Variants in SIMC1 observed in about 807,000 individuals in gnomAD.
The protein encoded by SIMC1 is SUMO interacting motifs containing 1, also known as SUMO-interacting motif-containing protein 1.
SIMC1 carries 55 observed loss-of-function variants against 82.3 expected under a neutral mutation model. That is an observed-to-expected ratio of 0.67 (90% CI 0.54 to 0.84). The LOEUF is 0.84. Among genes scored for constraint, SIMC1 ranks in the 40% least tolerant of loss-of-function variants. SIMC1 has a pLI of 0.00. For synonymous variants in SIMC1, 353 were observed against 426.3 expected, an observed-to-expected ratio of 0.83 and a Z score of 2.12; for missense variants, 915 against 1,107.2, an observed-to-expected ratio of 0.83 and a Z score of 2.46.
intron 1 of SIMC1, among the ~76,000 whole-genome samples, chr5:176,262,408 C>T (rs1466595558): frequency 1.3e-5 from 2 of 152,100 alleles, no homozygotes; most frequent in African/African-American, 4.8e-5. Flanking sequence ...TTGAAGCATT[C>T]CTACTAAGAT....
Position 176,325,318 on chromosome 5 carries a change from G to A in SIMC1, c.2171+561G>A, listed in dbSNP as rs189708366. ...ACGAAAATCGCTTGAACCAGGAGGTGGAGGTTGCAGTGAGCTGAGATTGCT... is the reference window on the plus strand; with the variant it reads ...ACGAAAATCGCTTGAACCAGGAGGTAGAGGTTGCAGTGAGCTGAGATTGCT... On this transcript the variant is annotated intron_variant, in intron 7 of 9. Coordinates refer to ENST00000429602, the MANE Select transcript of SIMC1 (RefSeq NM_001308195.2). Among the ~76,000 whole-genome samples the A allele has an allele frequency of 1.6e-3, 243 of 152,160 alleles. 1 individual carries two copies. Among genetic ancestry groups the A allele is most frequent in the Admixed American group, 6.0e-3 (92 of 15,260 alleles).
intron 1 of SIMC1, among the ~76,000 whole-genome samples, chr5:176,280,383 T>G (rs1436399208): frequency 6.6e-6 from 1 of 152,214 alleles, no homozygotes; most frequent in East Asian, 1.9e-4. Context: ...GCATGTGTCT[T>G]TATCCAATTT....
chr5:176,252,007 C>T (rs1281708479), intron 1 of SIMC1, among the ~76,000 whole-genome samples: 1 of 151,800 alleles, frequency 6.6e-6, no homozygotes, highest in Admixed American at 6.6e-5. Flanking sequence ...GGCAACCATC[C>T]GATTTCTCAA....
chr5:176,282,809 C>A (rs1051550087), intron 1 of SIMC1, among the ~76,000 whole-genome samples: 24 of 152,138 alleles, frequency 1.6e-4, no homozygotes, highest in Admixed American at 6.5e-4. Context: ...CTACAATAAC[C>A]AATGAAGAGA....
chr5:176,328,492 C>T (rs1581321074), intron 7 of SIMC1, among the ~76,000 whole-genome samples: 1 of 151,788 alleles, frequency 6.6e-6, no homozygotes, highest in Non-Finnish European at 1.5e-5. Flanking sequence ...TGGCTGTAAA[C>T]ACTTTTTAGA....
At position 176,334,761 on chromosome 5, in the gene SIMC1, G is replaced by A. The variant is rs966079901; in HGVS notation, c.2172-1959G>A. Among the ~76,000 whole-genome samples the A allele has an allele frequency of 4.6e-5, 7 of 152,148 alleles. 1 individual carries two copies. Among genetic ancestry groups the A allele is most frequent in the Admixed American group, 1.3e-4 (2 of 15,268 alleles). Reference sequence around the variant, plus strand: ...AAGTGCCCCCAGCAAGAAATCTGGAGTACATGAAGTTTACCACCTTTGTTT... The same window carrying A: ...AAGTGCCCCCAGCAAGAAATCTGGAATACATGAAGTTTACCACCTTTGTTT... On this transcript the variant is annotated intron_variant, in intron 7 of 9. Coordinates refer to ENST00000429602, the MANE Select transcript of SIMC1 (RefSeq NM_001308195.2).
rs575722098 is a variant in SIMC1, at chr5:176,311,684, C to CA, written c.1735-2000dup. 5.7e-4 allele frequency among the ~76,000 whole-genome samples: 86 copies of CA among 151,764 alleles called. No individual in the cohort carries two copies. The South Asian group carries it at 0.012, about 22-fold the overall frequency. On this transcript the variant is annotated intron_variant, in intron 4 of 9. Transcript: ENST00000429602. ...AGAAAAAAACAAAACTCTAGAAAAA[C>CA]AAAAAAACTTCACAAGAAAGGAATG...
chr5:176,307,766 G>T (rs190605912), intron 4 of SIMC1, among the ~76,000 whole-genome samples: 1 of 152,188 alleles, frequency 6.6e-6, no homozygotes, highest in African/African-American at 2.4e-5. Context: ...CAAGAATGTG[G>T]AGAACATAAG....
rs925274422 is a variant in SIMC1 at position 176,345,061 on chromosome 5, G to A, written c.2414-122G>A. On this transcript the variant is annotated intron_variant, in intron 9 of 9. Coordinates refer to ENST00000429602, the MANE Select transcript of SIMC1 (RefSeq NM_001308195.2). Reference sequence around the variant, plus strand: ...TACTGCAGGCACTCACACAGCCTTCGACTTGTATCCCTGTAGCTAGTCAGC... The same window carrying A: ...TACTGCAGGCACTCACACAGCCTTCAACTTGTATCCCTGTAGCTAGTCAGC... The A allele has an allele frequency of 2.0e-5, 26 of 1,314,716 alleles. 2 individuals carry two copies. In the South Asian group the frequency reaches 2.3e-4, roughly 11 times the overall value. 81.4% of individuals were successfully genotyped at this position (1,314,716 alleles called of 1,614,324 possible).
intron 1 of SIMC1, among the ~76,000 whole-genome samples, chr5:176,269,080 C>T (rs1005618242): frequency 6.6e-6 from 1 of 151,816 alleles, no homozygotes; most frequent in Non-Finnish European, 1.5e-5. Flanking sequence ...TGGGATGAAG[C>T]CAAAGTAGTC....
intron 1 of SIMC1, among the ~76,000 whole-genome samples, chr5:176,244,629 G>A (rs1228926947): frequency 6.6e-6 from 1 of 151,764 alleles, no homozygotes; most frequent in Non-Finnish European, 1.5e-5. Context: ...TATGTTTATT[G>A]GAAACACATA....
At chr5:176,294,358 C>T (rs1763709938) in intron 2 of SIMC1, among the ~76,000 whole-genome samples, 1 of 152,162 alleles carries the variant, frequency 6.6e-6, no homozygotes, top group African/African-American at 2.4e-5. Context: ...TGGTTCACTG[C>T]AGCCTCCACC....
chr5:176,278,011 T>C (rs1218205603), intron 1 of SIMC1, among the ~76,000 whole-genome samples: 1 of 141,444 alleles, frequency 7.1e-6, no homozygotes, highest in Non-Finnish European at 1.5e-5. Flanking sequence ...TTGATGGGGA[T>C]GGCATTGAAT....
chr5:176,306,086 C>G (rs1249517587), intron 4 of SIMC1, among the ~76,000 whole-genome samples: 1 of 85,362 alleles, frequency 1.2e-5, no homozygotes, highest in East Asian at 3.8e-4. Context: ...AGGTGAGGGG[C>G]GCCTCTGCCC....
At chr5:176,251,836 G>A (rs1382828535) in intron 1 of SIMC1, among the ~76,000 whole-genome samples, 9 of 150,268 alleles carry the variant, frequency 6.0e-5, no homozygotes, top group South Asian at 2.1e-4. Context: ...ATCTTGCACC[G>A]CCCTTAATCC....
At chr5:176,271,898 A>G (rs1762444432) in intron 1 of SIMC1, among the ~76,000 whole-genome samples, 1 of 127,094 alleles carries the variant, frequency 7.9e-6, no homozygotes, top group Non-Finnish European at 1.7e-5. Context: ...TATAATTATT[A>G]TACATTAGTA....
chr5:176,341,543 A>C (rs1766145809), intron 9 of SIMC1, among the ~76,000 whole-genome samples: 1 of 152,182 alleles, frequency 6.6e-6, no homozygotes, highest in East Asian at 1.9e-4. Flanking sequence ...GGGGAGGGGT[A>C]ATGGTGACAA....
Position 176,324,720 on chromosome 5 carries a change from T to C in SIMC1, c.2134T>C (p.Phe712Leu). 1 of 1,602,410 alleles carries C rather than the reference T, an allele frequency of 6.2e-7. No homozygotes were observed. The highest frequency in any genetic ancestry group is 8.5e-7 in the Non-Finnish European group (1 of 1,174,336). Reference sequence around the variant, plus strand: ...CTCCAATAAAATTGCCGAGATGATGTTTGGGTTTGTGCTGGACATTCCTGA... The same window carrying C: ...CTCCAATAAAATTGCCGAGATGATGCTTGGGTTTGTGCTGGACATTCCTGA... ...CSSNKIAEMM[F>L]GFVLDIPERS... Residue 712 changes from phenylalanine (F) to leucine (L), a missense_variant, in exon 7 of 10, where the codon TTT becomes CTT. Physicochemically the swap from Phe to Leu is conservative, Grantham distance 22. Around this residue, in one of 2 missense-constraint regions of SIMC1, gnomAD observed 902 missense variants for 1,040.3 expected, o/e 0.87. Coordinates refer to ENST00000429602, the MANE Select transcript of SIMC1 (RefSeq NM_001308195.2).
chr5:176,252,342 A>C (rs1444052756), intron 1 of SIMC1, among the ~76,000 whole-genome samples: 2 of 150,948 alleles, frequency 1.3e-5, no homozygotes, highest in Non-Finnish European at 3.0e-5. Context: ...CACTTCCCAG[A>C]CGGGGTGGCT....
Sources: gnomAD v4.1 joint callset for allele counts (sites outside exome capture counted in the v4.1 genomes callset) on GRCh38, gnomAD v4.1.1 for gene constraint, gnomAD v4.1.1 regional missense constraint, MANE v1.5 for transcripts, NCBI Gene and HGNC (gene_info 2026-07-23, HGNC 2026-07-21) for gene names.